Variants in DNAH14 observed in about 807,000 individuals in gnomAD.
DNAH14 encodes dynein axonemal heavy chain 14, also known as axonemal beta dynein heavy chain 14.
DNAH14 carries 478 observed loss-of-function variants against 520.9 expected under a neutral mutation model. The ratio of observed to expected loss-of-function variants is 0.92; its 90% CI spans 0.85 to 0.99. The LOEUF (loss-of-function observed/expected upper bound fraction) is 0.99, where lower values mean the gene tolerates loss of function less well. DNAH14 is among the 50% of genes least tolerant of loss of function. The pLI is 0.00. For missense variants in DNAH14, 4,831 were observed against 5,234.5 expected (o/e 0.92, Z 2.38); for synonymous variants, 1,581 against 1,757.2 (o/e 0.90, Z 2.51).
chr1:225,131,327 G>A lies in DNAH14; in HGVS notation c.4254+7713G>A, dbSNP rs2078399710. 2.0e-5 allele frequency among the ~76,000 whole-genome samples: 3 copies of A among 152,144 alleles called. No individual in the cohort carries two copies. In the South Asian group the frequency reaches 6.2e-4, roughly 31 times the overall value. ...TCTGTGGGCTAAGATCAAGGTGTCA[G>A]CAAAGCTGTGTTCCTTTCTAGAGGC... On this transcript the variant is annotated intron_variant, in intron 27 of 85. Coordinates refer to ENST00000682510, the MANE Select transcript of DNAH14 (RefSeq NM_001367479.1).
At chr1:225,236,509 G>A (rs752599842) in intron 42 of DNAH14, among the ~76,000 whole-genome samples, 24 of 152,142 alleles carry the variant, frequency 1.6e-4, no homozygotes, top group Middle Eastern at 6.3e-3. Flanking sequence ...TTGTTTTTGG[G>A]TGAAGAGTTC....
intron 42 of DNAH14, among the ~76,000 whole-genome samples, chr1:225,237,233 A>T (rs968613618): frequency 6.6e-6 from 1 of 152,082 alleles, no homozygotes; most frequent in Non-Finnish European, 1.5e-5. Context: ...ACTTCAGTGC[A>T]TTTTTATGGA....
At chr1:224,987,016 A>C (rs983704663) in intron 8 of DNAH14, among the ~76,000 whole-genome samples, 12 of 152,232 alleles carry the variant, frequency 7.9e-5, no homozygotes, top group African/African-American at 2.4e-4. Flanking sequence ...AAAAATCAGT[A>C]GTATTTCTAT....
chr1:225,332,782 G>A (rs1317655809), intron 65 of DNAH14, among the ~76,000 whole-genome samples: 1 of 148,394 alleles, frequency 6.7e-6, no homozygotes, highest in African/African-American at 2.5e-5. Flanking sequence ...ATTGCTTGAG[G>A]TCAAGAGTTT....
At chr1:224,929,863 C>T (rs1390614345) in intron 1 of DNAH14, 28 bp downstream of exon 1, 13 of 655,370 alleles carry the variant, frequency 2.0e-5, no homozygotes, top group Non-Finnish European at 3.3e-5. Flanking sequence ...TTCCTGTCAG[C>T]GGTCGGCAGA....
intron 34 of DNAH14, among the ~76,000 whole-genome samples, chr1:225,157,639 G>C (rs1375338498): frequency 6.6e-6 from 1 of 151,440 alleles, no homozygotes; most frequent in Non-Finnish European, 1.5e-5. Flanking sequence ...CAGACATATT[G>C]GTCATCCCTG....
intron 75 of DNAH14, among the ~76,000 whole-genome samples, chr1:225,363,157 A>C (rs899805093): frequency 6.6e-6 from 1 of 151,978 alleles, no homozygotes; most frequent in African/African-American, 2.4e-5. Flanking sequence ...TTACCCTATC[A>C]TTTCTCTCAT....
In DNAH14 at chr1:225,388,487, C is replaced by G. The variant is rs755140486; in HGVS notation, c.13186C>G (p.Arg4396Gly). 3.4e-5 allele frequency: 50 copies of G among 1,482,196 alleles called. No individual in the cohort carries two copies. In the African/African-American group the frequency reaches 6.2e-4, roughly 19 times the overall value. The allele number at this position is 1,482,196 out of a possible 1,614,324, so 91.8% of individuals were successfully genotyped here. ...WAKVAYTAIQ[R>G]RYMRFVTVWK... is the part of the protein sequence containing the mutation. ...CAAAGTGGCTTATACTGCAATACAG[C>G]GTCGGTATGGATAAAAGATGCTTTA... Residue 4396 changes from arginine (R) to glycine (G), a missense_variant, in exon 82 of 86, where the codon CGT becomes GGT. Physicochemically the swap from Arg to Gly is moderately radical, Grantham distance 125. Transcript: ENST00000682510.
intron 61 of DNAH14, among the ~76,000 whole-genome samples, chr1:225,321,231 T>C (rs2094550690): frequency 6.6e-6 from 1 of 152,152 alleles, no homozygotes. Context: ...AATGAACACA[T>C]AGGTTAGAAT....
chr1:225,248,468 TATCAG>T (rs776708865), intron 43 of DNAH14, among the ~76,000 whole-genome samples: 7 of 152,194 alleles, frequency 4.6e-5, no homozygotes, highest in Non-Finnish European at 8.8e-5. Context: ...AGTGTAGAAA[TATCAG>T]ATAACTTTAG....
chr1:225,248,189 G>A (rs712060), intron 43 of DNAH14, among the ~76,000 whole-genome samples: 30,152 of 151,906 alleles, frequency 0.2, 3,137 homozygotes, highest in East Asian at 0.37. Context: ...GACTGAAATC[G>A]TCAAACACCT....
At chr1:225,165,089 C>T (rs1482134330) in intron 35 of DNAH14, among the ~76,000 whole-genome samples, 2 of 152,004 alleles carry the variant, frequency 1.3e-5, no homozygotes, top group African/African-American at 4.8e-5. Flanking sequence ...TTGATATACC[C>T]TCATATCTGA....
intron 4 of DNAH14, among the ~76,000 whole-genome samples, chr1:224,962,611 G>C (rs1010158435): frequency 1.3e-5 from 2 of 152,234 alleles, no homozygotes; most frequent in South Asian, 4.1e-4. Flanking sequence ...TAAGGGCATG[G>C]TCAGCTGACA....
intron 74 of DNAH14, 31 bp downstream of exon 74, chr1:225,358,683 G>A (rs186832977): frequency 3.7e-5 from 57 of 1,538,274 alleles, no homozygotes; most frequent in Non-Finnish European, 4.5e-5. Flanking sequence ...TAAGATGATC[G>A]ATATGGTTTG....
chr1:224,986,499 T>C (rs2062653415), intron 8 of DNAH14, among the ~76,000 whole-genome samples: 1 of 151,978 alleles, frequency 6.6e-6, no homozygotes, highest in Non-Finnish European at 1.5e-5. Flanking sequence ...ACATTTGTAT[T>C]TGCAACATTT....
At chr1:225,332,830 C>CA (rs36110645) in intron 65 of DNAH14, among the ~76,000 whole-genome samples, 11,653 of 90,732 alleles carry the variant, frequency 0.13, 981 homozygotes, top group African/African-American at 0.27. Context: ...CCTGTCTCTA[C>CA]AAAAAAAAAA....
At chr1:224,968,935 C>G (rs2061349274) in intron 7 of DNAH14, 61 bp downstream of exon 7, 3 of 1,147,806 alleles carry the variant, frequency 2.6e-6, no homozygotes, top group Admixed American at 2.7e-5. Context: ...GAGCAGTTGC[C>G]TGAGTGACAT....
intron 81 of DNAH14, 49 bp from the exon 82 acceptor site, chr1:225,388,330 C>A: frequency 8.3e-7 from 1 of 1,199,196 alleles, no homozygotes; most frequent in South Asian, 1.4e-5. Flanking sequence ...TCCTAATGAC[C>A]CCAAAGACAA....
intron 1 of DNAH14, among the ~76,000 whole-genome samples, chr1:224,933,934 G>A (rs2058860976): frequency 6.6e-6 from 1 of 151,584 alleles, no homozygotes; most frequent in Admixed American, 6.6e-5. Flanking sequence ...CACTAACGTT[G>A]TTTACAGCCA....
Sources: allele counts gnomAD v4.1 joint callset (sites outside exome capture counted in the v4.1 genomes callset), GRCh38; gene constraint gnomAD v4.1.1; transcripts MANE v1.5; gene names NCBI Gene and HGNC (gene_info 2026-07-23, HGNC 2026-07-21).